TBRG4: variants seen among roughly 807,000 people sequenced by gnomAD.
The protein encoded by TBRG4 is transforming growth factor beta regulator 4, also known as FAST kinase domain-containing protein 4.
Under a neutral mutation model 65.6 loss-of-function variants are expected in TBRG4, and 43 were observed. The ratio of observed to expected loss-of-function variants is 0.66; its 90% CI spans 0.51 to 0.85. The LOEUF is 0.85. TBRG4 is among the 40% of genes least tolerant of loss of function. The probability of loss-of-function intolerance (pLI) is 0.00; values close to 1 mark genes in which losing one functional copy is unlikely to be tolerated. For missense variants in TBRG4, 709 were observed against 787.9 expected (o/e 0.90, Z 1.20); for synonymous variants, 366 against 341.4 (o/e 1.07, Z -0.79).
In TBRG4 at chr7:45,101,331, C is replaced by T. The variant is rs775807388; in HGVS notation, c.1721G>A (p.Arg574Gln). ...AAAGCGACCCAGCAAGTCCTTGCTT[C>T]GGCTGTTGAAGTTGGGGAACTCCCA... is the stretch of plus-strand genomic sequence containing the variant. ...LRWEFPNFNS[R>Q]SKDLLGRFVL... is the part of the protein sequence containing the mutation. The change falls in exon 10 of 11, where the codon CGA (arginine) becomes CAA (glutamine). Residue 574 changes from arginine (R) to glutamine (Q), a missense_variant. By Grantham distance (43) the Arg-to-Gln change is conservative (BLOSUM62 1). Transcript: ENST00000258770. 34 of 1,613,900 alleles carry T rather than the reference C, an allele frequency of 2.1e-5. No homozygotes were observed. The highest frequency in any genetic ancestry group is 1.3e-4 in the African/African-American group (10 of 74,942).
chr7:45,103,268 C>T (rs751078772), intron 6 of TBRG4, 65 bp downstream of exon 6: 29 of 1,346,104 alleles, frequency 2.2e-5, no homozygotes, highest in East Asian at 7.4e-5. Context: ...CTTGGGAGGA[C>T]GGTTCATGAG....
chr7:45,110,870 T>TAA (rs1204791355), intron 1 of TBRG4: 1 of 151,684 alleles, frequency 6.6e-6, no homozygotes, highest in Admixed American at 6.6e-5. Context: ...AAGCTTAGTC[T>TAA]AACTCCACTT....
chr7:45,105,299 T>C lies in TBRG4; in HGVS notation c.735+142A>G. The stretch of plus-strand genomic sequence containing the variant: ...AGCCCTCTGGTCCTGCCCCATGTGA[T>C]GCCTGAGGCTCCAGACAGAAGCTCC... On this transcript the variant is annotated intron_variant, in intron 3 of 10. Transcript: ENST00000258770. The C allele has an allele frequency of 3.2e-6, 3 of 931,690 alleles. 1 individual carries two copies. The South Asian group carries it at 5.0e-5, about 16-fold the overall frequency. The allele number at this position is 931,690 out of a possible 1,614,324, so 57.7% of individuals were successfully genotyped here.
intron 3 of TBRG4, chr7:45,105,231 C>A (rs1467595730): frequency 4.8e-6 from 3 of 619,100 alleles, no homozygotes; most frequent in African/African-American, 3.7e-5. Context: ...GCAAGTGGTG[C>A]TTGATGAATG....
chr7:45,100,539 G>A (rs1784734546), intron 10 of TBRG4, 113 bp from the exon 11 acceptor site: 2 of 788,330 alleles, frequency 2.5e-6, no homozygotes, highest in Non-Finnish European at 4.3e-6. Flanking sequence ...CACCTCTGCT[G>A]ACCAACAGCT....
At chr7:45,104,406 TCA>T (rs1240038228) in intron 4 of TBRG4, 130 bp downstream of exon 4, 1 of 1,559,592 alleles carries the variant, frequency 6.4e-7, no homozygotes, top group African/African-American at 1.4e-5. Flanking sequence ...GGCCCATGAG[TCA>T]CAGTGTTTCT....
chr7:45,105,054 G>A (rs752554598), intron 3 of TBRG4: 4 of 704,106 alleles, frequency 5.7e-6, no homozygotes, highest in Non-Finnish European at 7.9e-6. Context: ...GGCTACAGCC[G>A]ATAGGGGTTA....
At chr7:45,101,009 C>T (rs892813545) in intron 10 of TBRG4, among the ~76,000 whole-genome samples, 8 of 152,282 alleles carry the variant, frequency 5.3e-5, no homozygotes, top group African/African-American at 1.9e-4. Flanking sequence ...CTGCCCACCT[C>T]TTAAGCTGAA....
At chr7:45,105,025 G>A in intron 3 of TBRG4, 1 of 723,592 alleles carries the variant, frequency 1.4e-6, no homozygotes, top group Non-Finnish European at 2.6e-6. Flanking sequence ...AACGGGCACT[G>A]AATTTGACTT....
Position 45,106,135 on chromosome 7 carries a change from G to C in TBRG4, c.412-371C>G, listed in dbSNP as rs766831482. ...AGAGCCAGAGCACCCCTCAGGCACA[G>C]GCCAGATCCAAGGGTACACCTCTGA... is the stretch of plus-strand genomic sequence containing the variant. On this transcript the variant is annotated intron_variant, in intron 2 of 10. Transcript: ENST00000258770. 5.7e-6 allele frequency: 3 copies of C among 525,636 alleles called. No homozygotes were observed. The East Asian group carries it at 1.5e-4, about 26-fold the overall frequency. 32.6% of individuals were successfully genotyped at this position (525,636 alleles called of 1,614,324 possible).
chr7:45,105,719 G>A lies in TBRG4; in HGVS notation c.457C>T (p.Leu153=), dbSNP rs145823540. 4.1e-4 allele frequency: 667 copies of A among 1,613,682 alleles called. No individual in the cohort carries two copies. Among genetic ancestry groups the A allele is most frequent in the Non-Finnish European group, 5.4e-4 (642 of 1,179,812 alleles). ...HGTLSKLLGS[L]YALGIPKASK... ...GCCTTGGGGATGCCCAGAGCATACA[G>A]GCTTCCCAGCAGCTTCGAGAGGGTA... The change falls in exon 3 of 11, where the codon CTG becomes TTG. Residue 153 remains leucine (L), a synonymous_variant. Transcript: ENST00000258770.
At position 45,102,332 on chromosome 7, in the gene TBRG4, G is replaced by T; in HGVS notation, c.1321+15C>A. 1 of 1,613,880 alleles carries T rather than the reference G, an allele frequency of 6.2e-7. No homozygotes were observed. Among genetic ancestry groups the T allele is most frequent in the Non-Finnish European group, 8.5e-7 (1 of 1,179,950 alleles). ...AGTTTCCCAGTTCCAGTAGTACTAGGGGCAGGGGGCTCACCTAGAAATTGG... is the reference window on the plus strand; with the variant it reads ...AGTTTCCCAGTTCCAGTAGTACTAGTGGCAGGGGGCTCACCTAGAAATTGG... On this transcript the variant is annotated intron_variant, in intron 7 of 10. Coordinates refer to ENST00000258770, the MANE Select transcript of TBRG4 (RefSeq NM_004749.4).
At position 45,102,759 on chromosome 7, in the gene TBRG4, A is replaced by G. The variant is rs114744245; in HGVS notation, c.1177-268T>C. On this transcript the variant is annotated intron_variant, in intron 6 of 10. Coordinates refer to ENST00000258770, the MANE Select transcript of TBRG4 (RefSeq NM_004749.4). ...ATGCTGGCATTTGATTAGGTTTACT[A>G]CAACCAACCTACTGGCAGGGAACAA... 1.0e-3 allele frequency: 503 copies of G among 499,876 alleles called. 4 individuals carry two copies. The highest frequency in any genetic ancestry group is 9.1e-3 in the African/African-American group (468 of 51,576). The allele number at this position is 499,876 out of a possible 1,614,324, so 31.0% of individuals were successfully genotyped here. A position where few individuals can be genotyped will look rare whatever the true frequency, so the allele number is the denominator to read the frequency against.
chr7:45,104,203 G>A lies in TBRG4; in HGVS notation c.961C>T (p.Leu321=), dbSNP rs1240505557. 1 of 1,614,178 alleles carries A rather than the reference G, an allele frequency of 6.2e-7. No individual in the cohort carries two copies. The highest frequency in any genetic ancestry group is 1.7e-5 in the Admixed American group (1 of 60,034). ...QVSQRLATDL[L]SLMPSLTSGE... ...GAAGTCAGGCTGGGCATGAGGGATA[G>A]CAGGTCGGTGGCCAGGCGCTGGGAC... Residue 321 remains leucine, a synonymous_variant, in exon 5 of 11, where the codon CTA becomes TTA. Transcript: ENST00000258770.
chr7:45,103,574 A>G, intron 5 of TBRG4, 131 bp from the exon 6 acceptor site: 1 of 704,824 alleles, frequency 1.4e-6, no homozygotes. Context: ...TCCAGGGCCC[A>G]TGAGCTGTGT....
Position 45,105,659 on chromosome 7 carries a change from G to A in TBRG4, c.517C>T (p.Arg173Cys), listed in dbSNP as rs766379911. ...KELQSVEQEVRWRMRKLKYKH... is the reference protein window; with the variant it reads ...KELQSVEQEVCWRMRKLKYKH... The stretch of plus-strand genomic sequence containing the variant: ...TACTTGAGCTTCCGCATGCGCCAGC[G>A]GACCTCCTGCTCCACCGACTGCAGC... Residue 173 changes from arginine to cysteine, a missense_variant, in exon 3 of 11, where the codon CGC (arginine) becomes TGC (cysteine). By Grantham distance (180) the Arg-to-Cys change is radical. Transcript: ENST00000258770. 14 of 1,613,872 alleles carry A rather than the reference G, an allele frequency of 8.7e-6. No individual in the cohort carries two copies. Among genetic ancestry groups the A allele is most frequent in the Admixed American group, 3.3e-5 (2 of 60,010 alleles).
chr7:45,100,195 G>C lies in TBRG4; in HGVS notation c.*130C>G. 1 of 672,106 alleles carries C rather than the reference G, an allele frequency of 1.5e-6. No homozygotes were observed. The highest frequency in any genetic ancestry group is 2.5e-6 in the Non-Finnish European group (1 of 398,002). 41.6% of individuals were successfully genotyped at this position (672,106 alleles called of 1,614,324 possible). A position where few individuals can be genotyped will look rare whatever the true frequency, so the allele number is the denominator to read the frequency against. On this transcript the variant is annotated 3_prime_UTR_variant, in exon 11 of 11. Coordinates refer to ENST00000258770, the MANE Select transcript of TBRG4 (RefSeq NM_004749.4). ...ACACAAGAGGACGTTCTGTCCCTCA[G>C]AGTGGCTGGCCACCCTCCCCACTCT...
In TBRG4 at chr7:45,101,292, C is replaced by T. The variant is rs768831369; in HGVS notation, c.1760G>A (p.Arg587Gln). ...DLLGRFVLAR[R>Q]HIVAAGFLIV... ...CAGGAAGCCTGCAGCCACTATGTGTCGCCGGGCCAGAACAAAGCGACCCAG... is the reference window on the plus strand; with the variant it reads ...CAGGAAGCCTGCAGCCACTATGTGTTGCCGGGCCAGAACAAAGCGACCCAG... The change falls in exon 10 of 11, where the codon CGA (arginine) becomes CAA (glutamine). Residue 587 changes from arginine to glutamine, a missense_variant. Arg to Gln is a conservative substitution (Grantham distance 43). Coordinates refer to ENST00000258770, the MANE Select transcript of TBRG4 (RefSeq NM_004749.4). 15 of 1,613,894 alleles carry T rather than the reference C, an allele frequency of 9.3e-6. No individual in the cohort carries two copies. Among genetic ancestry groups the T allele is most frequent in the Non-Finnish European group, 1.3e-5 (15 of 1,179,986 alleles).
In TBRG4 at chr7:45,103,346, T is replaced by C. The variant is rs528718434; in HGVS notation, c.1163A>G (p.Gln388Arg). Residue 388 changes from glutamine to arginine, a missense_variant, in exon 6 of 11, where the codon CAG becomes CGG. Transcript: ENST00000258770. ...RLNFHPDQED[Q>R]FFSLVHEKLG... The stretch of plus-strand genomic sequence containing the variant: ...CAGAGGCCCTACCAGGCTGAAGAAC[T>C]GATCCTCTTGGTCTGGATGGAAGTT... The C allele has an allele frequency of 3.6e-5, 58 of 1,613,246 alleles. No individual in the cohort carries two copies. The highest frequency in any genetic ancestry group is 3.3e-4 in the Middle Eastern group (2 of 6,060).
Sources: gnomAD v4.1 joint callset for allele counts (sites outside exome capture counted in the v4.1 genomes callset) on GRCh38, gnomAD v4.1.1 for gene constraint, MANE v1.5 for transcripts, NCBI Gene and HGNC (gene_info 2026-07-23, HGNC 2026-07-21) for gene names.